Variants in ARAP3 observed in about 807,000 individuals in gnomAD.
ARAP3 encodes the protein ArfGAP with RhoGAP domain, ankyrin repeat and PH domain 3.
Under a neutral mutation model 169.2 loss-of-function variants are expected in ARAP3, and 82 were observed. That is an observed-to-expected ratio of 0.48 (90% confidence interval 0.41 to 0.58). The LOEUF (loss-of-function observed/expected upper bound fraction) is 0.58, where lower values mean the gene tolerates loss of function less well. ARAP3 is among the 20% of genes least tolerant of loss of function. The pLI, the probability that ARAP3 is intolerant of heterozygous loss-of-function variation, is 0.00. For synonymous variants in ARAP3, 791 were observed against 800.3 expected (o/e 0.99, Z 0.20); for missense variants, 1,764 against 2,018.0 (o/e 0.87, Z 2.41).
rs2154599333 is a variant in ARAP3, at chr5:141,680,178, A to G, written c.309T>C (p.Gly103=). 6.2e-7 allele frequency: 1 copy of G among 1,608,612 alleles called. No homozygotes were observed. Among genetic ancestry groups the G allele is most frequent in the Middle Eastern group, 1.7e-4 (1 of 6,040 alleles). Residue 103 remains glycine (G), a synonymous_variant, in exon 2 of 33, where the codon GGT becomes GGC. Coordinates refer to ENST00000239440, the MANE Select transcript of ARAP3 (RefSeq NM_022481.6). The part of the protein sequence containing the change: ...KPVPKPRTVF[G]GLSGPATTQR... ...GAGTGGTGGCAGGGCCACTGAGTCC[A>G]CCAAACACGGTCCTGGGCTTCGGCA...
Position 141,656,771 on chromosome 5 carries a change from G to A in ARAP3, c.3602C>T (p.Ala1201Val). The change falls in exon 26 of 33, where the codon GCT (alanine) becomes GTT (valine). Residue 1201 changes from alanine to valine, a missense_variant. Ala to Val is a moderately conservative substitution (Grantham distance 64). Around this residue, in one of 3 missense-constraint regions of ARAP3, gnomAD observed 1,112 missense variants for 1,285.7 expected, o/e 0.86. Coordinates refer to ENST00000239440, the MANE Select transcript of ARAP3 (RefSeq NM_022481.6). ...GGGGACTTTTTTCAAGAGCAGGGAA[G>A]CTGAGCAGGGCTCTGGGAGCTGGCA... is the stretch of plus-strand genomic sequence containing the variant. ...QWCQLPEPCS[A>V]SLLLKKVPLA... 6.2e-7 allele frequency: 1 copy of A among 1,611,940 alleles called. No homozygotes were observed. The highest frequency in any genetic ancestry group is 1.1e-5 in the South Asian group (1 of 90,654).
rs1481082552 is a variant in ARAP3 at position 141,662,391 on chromosome 5, A to G, written c.2801-136T>C. The G allele has an allele frequency of 7.5e-6, 6 of 798,034 alleles. No individual in the cohort carries two copies. The Admixed American group carries it at 7.9e-5, about 10-fold the overall frequency. The allele number at this position is 798,034 out of a possible 1,614,324, so 49.4% of individuals were successfully genotyped here. On this transcript the variant is annotated intron_variant, in intron 19 of 32. Coordinates refer to ENST00000239440, the MANE Select transcript of ARAP3 (RefSeq NM_022481.6). ...CAGAGAGGAGGAGATCTATGCCTCC[A>G]TGTTCTTGATTCTCAGGTCTCTGCT...
At chr5:141,659,112 C>A (rs1405004513) in intron 23 of ARAP3, among the ~76,000 whole-genome samples, 1 of 152,152 alleles carries the variant, frequency 6.6e-6, no homozygotes, top group Non-Finnish European at 1.5e-5. Flanking sequence ...GTCCTTGGAT[C>A]TCTTACACTT....
At position 141,680,262 on chromosome 5, in the gene ARAP3, T is replaced by A; in HGVS notation, c.225A>T (p.Ser75=). ...GTEEGSLDPK[S]DSAMEPSPSP... ...TGGGGGATGGTTCCATGGCACTATC[T>A]GATTTGGGATCCAGGGAGCCCTCTT... Residue 75 remains serine, a synonymous_variant, in exon 2 of 33, where the codon TCA becomes TCT. Transcript: ENST00000239440. 6.2e-7 allele frequency: 1 copy of A among 1,614,180 alleles called. No homozygotes were observed. Among genetic ancestry groups the A allele is most frequent in the Non-Finnish European group, 8.5e-7 (1 of 1,180,008 alleles).
chr5:141,674,921 T>C (rs897234496), intron 4 of ARAP3, among the ~76,000 whole-genome samples: 1 of 152,230 alleles, frequency 6.6e-6, no homozygotes, highest in Non-Finnish European at 1.5e-5. Context: ...AGTGTTCTTT[T>C]ACAAATGCAG....
intron 23 of ARAP3, 92 bp downstream of exon 23, chr5:141,659,316 G>T: frequency 3.2e-6 from 4 of 1,232,278 alleles, no homozygotes; most frequent in Non-Finnish European, 4.8e-6. Flanking sequence ...AGAAGGACAG[G>T]CTGGAAACTT....
intron 17 of ARAP3, 149 bp from the exon 18 acceptor site, chr5:141,665,523 C>T (rs780319825): frequency 5.3e-6 from 4 of 750,266 alleles, no homozygotes; most frequent in Non-Finnish European, 8.5e-6. Flanking sequence ...CTATTATTCC[C>T]ATTTTATAGG....
Position 141,679,969 on chromosome 5 carries a change from T to C in ARAP3, c.518A>G (p.Gln173Arg). Reference protein sequence around the residue: ...LDSRGRAQAAQDKAPDSSQIS... With the variant: ...LDSRGRAQAARDKAPDSSQIS... ...GGGAGCCAACTCCACTCACTTGTCC[T>C]GAGCTGCCTGTGCCCTGCCTCTTGA... The change falls in exon 2 of 33, where the codon CAG becomes CGG. Residue 173 changes from glutamine (Q) to arginine (R), a missense_variant. By Grantham distance (43) the Gln-to-Arg change is conservative (BLOSUM62 1). Transcript: ENST00000239440. 1.9e-6 allele frequency: 3 copies of C among 1,614,182 alleles called. No individual in the cohort carries two copies. Among genetic ancestry groups the C allele is most frequent in the Non-Finnish European group, 2.5e-6 (3 of 1,180,022 alleles).
At chr5:141,661,147 T>C (rs2099909917) in intron 21 of ARAP3, among the ~76,000 whole-genome samples, 1 of 150,108 alleles carries the variant, frequency 6.7e-6, no homozygotes, top group Non-Finnish European at 1.5e-5. Context: ...CACTGCAACC[T>C]CCACCTCCTG....
intron 32 of ARAP3, 68 bp downstream of exon 32, chr5:141,655,294 C>G: frequency 3.9e-6 from 6 of 1,536,622 alleles, no homozygotes; most frequent in Non-Finnish European, 5.3e-6. Context: ...ACAGCACACC[C>G]GGGGCTCAGG....
chr5:141,664,186 A>T (rs563684181), intron 19 of ARAP3, among the ~76,000 whole-genome samples: 1 of 152,278 alleles, frequency 6.6e-6, no homozygotes, highest in African/African-American at 2.4e-5. Flanking sequence ...GGAATTTGAG[A>T]CCAGCCTGGC....
At chr5:141,669,597 C>T (rs1402619031) in intron 16 of ARAP3, 112 bp downstream of exon 16, 1 of 998,224 alleles carries the variant, frequency 1.0e-6, no homozygotes, top group East Asian at 2.5e-5. Context: ...TGTGCTCAGT[C>T]ACCCTTAGCT....
chr5:141,658,371 C>T lies in ARAP3; in HGVS notation c.3520G>A (p.Glu1174Lys). Reference sequence around the variant, plus strand: ...CAGGCGTGGTCATACTCACCCAGCTCCCCATGCTCGCGAATCTCAAAAGTC... The same window carrying T: ...CAGGCGTGGTCATACTCACCCAGCTTCCCATGCTCGCGAATCTCAAAAGTC... Reference protein sequence around the residue: ...WVTFEIREHGELERPLHPKEK... With the variant: ...WVTFEIREHGKLERPLHPKEK... The change falls in exon 25 of 33, where the codon GAG (glutamate) becomes AAG (lysine). Residue 1174 changes from glutamate to lysine, a missense_variant. Physicochemically the swap from Glu to Lys is moderately conservative, Grantham distance 56. This residue lies in a region of ARAP3 where 1,112 missense variants were observed against 1,285.7 expected (regional missense o/e 0.86). Transcript: ENST00000239440. The T allele has an allele frequency of 6.2e-7, 1 of 1,613,086 alleles. No individual in the cohort carries two copies. The highest frequency in any genetic ancestry group is 8.5e-7 in the Non-Finnish European group (1 of 1,180,008).
At chr5:141,680,783 C>T in intron 1 of ARAP3, 1 of 439,638 alleles carries the variant, frequency 2.3e-6, no homozygotes. Flanking sequence ...CCCCTCAGTT[C>T]CTGCCCACCC....
rs1299781577 is a variant in ARAP3 at position 141,679,657 on chromosome 5, C to T, written c.587-1G>A. 1.2e-6 allele frequency: 2 copies of T among 1,614,108 alleles called. No homozygotes were observed. The highest frequency in any genetic ancestry group is 2.2e-5 in the South Asian group (2 of 91,086). On this transcript the variant is annotated splice_acceptor_variant, in intron 3 of 32. Coordinates refer to ENST00000239440, the MANE Select transcript of ARAP3 (RefSeq NM_022481.6). LOFTEE classifies it high-confidence loss of function. ...AGGCAACCAGGATCCATGATGTGCA[C>T]TGGCAGGAGGAGAGGGGAACGCACA...
chr5:141,671,639 G>A lies in ARAP3; in HGVS notation c.1785C>T (p.Ser595=), dbSNP rs1437005780. The A allele has an allele frequency of 1.2e-6, 2 of 1,614,076 alleles. No individual in the cohort carries two copies. The highest frequency in any genetic ancestry group is 1.7e-6 in the Non-Finnish European group (2 of 1,179,976). The change falls in exon 12 of 33, where the codon TCC becomes TCT. Residue 595 remains serine, a synonymous_variant. Transcript: ENST00000239440. The surrounding 1 kb of genome is among the most constrained non-coding windows in gnomAD (Gnocchi z 4.9). ...GGAAGAGACCCAGACGGTACTTTCGGGAGATGAACTCTCCCCGGGGGCCAG... is the reference window on the plus strand; with the variant it reads ...GGAAGAGACCCAGACGGTACTTTCGAGAGATGAACTCTCCCCGGGGGCCAG... ...ATPGPRGEFI[S]RKYRLGLFRK... is the part of the protein sequence containing the mutation.
At position 141,654,162 on chromosome 5, in the gene ARAP3, G is replaced by A; in HGVS notation, c.4423C>T (p.Pro1475Ser). The part of the protein sequence containing the change: ...PPPGPPSKSS[P>S]QARGSLEEQL... The stretch of plus-strand genomic sequence containing the variant: ...TCCTCTAGGGACCCCCGTGCCTGGG[G>A]ACTGCTCTTTGAAGGGGGGCCTGGA... Residue 1475 changes from proline (P) to serine (S), a missense_variant, in exon 33 of 33, where the codon CCC becomes TCC. Pro to Ser is a moderately conservative substitution (Grantham distance 74). Transcript: ENST00000239440. The A allele has an allele frequency of 6.2e-7, 1 of 1,613,762 alleles. No individual in the cohort carries two copies.
At position 141,655,258 on chromosome 5, in the gene ARAP3, A is replaced by ACACACACACACACACC. The variant is rs1491503001; in HGVS notation, c.4149+103_4149+104insGGTGTGTGTGTGTGTG. 5 of 1,109,440 alleles carry ACACACACACACACACC rather than the reference A, an allele frequency of 4.5e-6. No homozygotes were observed. The African/African-American group carries it at 9.6e-5, about 21-fold the overall frequency. 68.7% of individuals were successfully genotyped at this position (1,109,440 alleles called of 1,614,324 possible). A position where few individuals can be genotyped will look rare whatever the true frequency, so the allele number is the denominator to read the frequency against. ...CACACACACACACACACACACACAC[A>ACACACACACACACACC]CCCCCTGATGGCCTACATGAGGAAA... On this transcript the variant is annotated intron_variant, in intron 32 of 32. Transcript: ENST00000239440.
intron 19 of ARAP3, among the ~76,000 whole-genome samples, chr5:141,663,331 T>C (rs114153882): frequency 0.011 from 1,715 of 152,232 alleles, 36 homozygotes; most frequent in African/African-American, 0.04. Flanking sequence ...AGAGTTTTGC[T>C]CTTTCACCCG....
Sources: allele counts gnomAD v4.1 joint callset (sites outside exome capture counted in the v4.1 genomes callset), GRCh38; gene constraint gnomAD v4.1.1; regional missense constraint gnomAD v4.1.1; non-coding constraint Gnocchi (gnomAD v3.1); transcripts MANE v1.5; gene names NCBI Gene and HGNC (gene_info 2026-07-23, HGNC 2026-07-21).